Variants in TMEM108 observed in about 807,000 individuals in gnomAD.
The protein encoded by TMEM108 is transmembrane protein 108.
A neutral mutation model predicts 35.1 loss-of-function variants in TMEM108; 12 were observed. That is an observed-to-expected ratio of 0.34 (90% CI 0.22 to 0.55). The LOEUF (loss-of-function observed/expected upper bound fraction) is 0.55, where lower values mean the gene tolerates loss of function less well. Among genes scored for constraint, TMEM108 ranks in the 20% least tolerant of loss-of-function variants. TMEM108 has a pLI of 0.89. For missense variants in TMEM108, 680 were observed against 753.3 expected (o/e 0.90, Z 1.14); for synonymous variants, 287 against 308.6 (o/e 0.93, Z 0.73).
At chr3:133,373,061 C>A (rs2072722704) in intron 3 of TMEM108, among the ~76,000 whole-genome samples, 3 of 152,074 alleles carry the variant, frequency 2.0e-5, no homozygotes, top group African/African-American at 7.2e-5. Flanking sequence ...ACACTGGAAC[C>A]ACAGTGAGTA....
chr3:133,119,722 G>C (rs1332294665), intron 2 of TMEM108, among the ~76,000 whole-genome samples: 1 of 152,088 alleles, frequency 6.6e-6, no homozygotes, highest in Non-Finnish European at 1.5e-5. Context: ...TCTTGGCGAT[G>C]TTTTATTAGC....
At chr3:133,309,386 T>G (rs7626326) in intron 3 of TMEM108, among the ~76,000 whole-genome samples, 48,742 of 151,998 alleles carry the variant, frequency 0.32, 8,551 homozygotes, top group East Asian at 0.48. Flanking sequence ...ATCTTAGTTA[T>G]TTCTCACCTT....
chr3:133,152,199 G>T (rs139554279), intron 2 of TMEM108, among the ~76,000 whole-genome samples: 171 of 152,288 alleles, frequency 1.1e-3, no homozygotes, highest in African/African-American at 4.1e-3. Context: ...CATTCACAGT[G>T]CCTTTGAAGA....
intron 2 of TMEM108, among the ~76,000 whole-genome samples, chr3:133,087,479 T>A (rs1448532892): frequency 1.3e-5 from 2 of 152,204 alleles, no homozygotes; most frequent in African/African-American, 2.4e-5. Context: ...CACAGAGATG[T>A]CTTTTTGTTC....
At chr3:133,289,564 TTGAG>T (rs1947033237) in intron 3 of TMEM108, among the ~76,000 whole-genome samples, 1 of 152,198 alleles carries the variant, frequency 6.6e-6, no homozygotes, top group Non-Finnish European at 1.5e-5. Context: ...GCACTTGTCA[TTGAG>T]GGCAAGCACC....
At chr3:133,386,371 G>T in intron 4 of TMEM108, 1 of 1,535,234 alleles carries the variant, frequency 6.5e-7, no homozygotes, top group Non-Finnish European at 8.7e-7. Flanking sequence ...TTGTTTGAAA[G>T]GTTGAATCCT....
At chr3:133,183,903 C>T (rs1945383370) in intron 2 of TMEM108, among the ~76,000 whole-genome samples, 2 of 152,084 alleles carry the variant, frequency 1.3e-5, no homozygotes, top group Non-Finnish European at 2.9e-5. Context: ...GGGAGATGGC[C>T]GTACCTACTT....
chr3:133,186,419 T>C (rs1192770572), intron 2 of TMEM108, among the ~76,000 whole-genome samples: 1 of 152,250 alleles, frequency 6.6e-6, no homozygotes, highest in African/African-American at 2.4e-5. Context: ...CTTACTGTCC[T>C]ATCTCTGAAA....
At chr3:133,370,812 C>T (rs1206304700) in intron 3 of TMEM108, among the ~76,000 whole-genome samples, 2 of 151,344 alleles carry the variant, frequency 1.3e-5, no homozygotes, top group African/African-American at 4.9e-5. Flanking sequence ...GCTATGTCCT[C>T]AATATGCAGA....
chr3:133,289,429 C>T (rs1399369221), intron 3 of TMEM108, among the ~76,000 whole-genome samples: 3 of 152,168 alleles, frequency 2.0e-5, no homozygotes, highest in Admixed American at 1.3e-4. Flanking sequence ...GATGGAAGCA[C>T]AGCAGTACTC....
intron 4 of TMEM108, among the ~76,000 whole-genome samples, chr3:133,383,238 A>G (rs1339224610): frequency 6.6e-6 from 1 of 152,154 alleles, no homozygotes; most frequent in Non-Finnish European, 1.5e-5. Flanking sequence ...ATTCCATCTT[A>G]GACCAGCCAG....
intron 3 of TMEM108, among the ~76,000 whole-genome samples, chr3:133,318,655 G>T (rs943171478): frequency 4.6e-5 from 7 of 152,114 alleles, no homozygotes; most frequent in Non-Finnish European, 1.0e-4. Flanking sequence ...CAGGACAAAT[G>T]ACCTGTCTTT....
rs556491697 is a variant in TMEM108 at position 133,364,543 on chromosome 3, A to T, written c.41-15209A>T. Among the ~76,000 whole-genome samples the T allele has an allele frequency of 5.3e-5, 8 of 152,372 alleles. No individual in the cohort carries two copies. The South Asian group carries it at 6.2e-4, about 12-fold the overall frequency. ...ATAATGGAAGGATGTGAGAAAATACATAATGACAAGAATAAAAGGCTTATA... is the reference window on the plus strand; with the variant it reads ...ATAATGGAAGGATGTGAGAAAATACTTAATGACAAGAATAAAAGGCTTATA... On this transcript the variant is annotated intron_variant, in intron 3 of 5. Coordinates refer to ENST00000321871, the MANE Select transcript of TMEM108 (RefSeq NM_023943.4).
chr3:133,391,690 TACA>T (rs1487544350), intron 5 of TMEM108, among the ~76,000 whole-genome samples: 2 of 152,162 alleles, frequency 1.3e-5, no homozygotes, highest in Non-Finnish European at 2.9e-5. Flanking sequence ...TCGCCTCTCC[TACA>T]ACATCTTCAG....
chr3:133,061,352 A>C (rs1463559220), intron 2 of TMEM108, among the ~76,000 whole-genome samples: 1 of 151,714 alleles, frequency 6.6e-6, no homozygotes, highest in Non-Finnish European at 1.5e-5. Flanking sequence ...CTGGGACTAC[A>C]GGCGCCCGCC....
intron 2 of TMEM108, among the ~76,000 whole-genome samples, chr3:133,175,743 G>A (rs1358333998): frequency 8.5e-5 from 13 of 152,358 alleles, no homozygotes; most frequent in South Asian, 4.1e-4. Context: ...GACCATCAAT[G>A]CTAGGAAGAA....
At chr3:133,187,110 A>C (rs1649263939) in intron 2 of TMEM108, among the ~76,000 whole-genome samples, 1 of 152,214 alleles carries the variant, frequency 6.6e-6, no homozygotes, top group African/African-American at 2.4e-5. Context: ...CCACATGCTT[A>C]TGTGTGTCCT....
At position 133,082,127 on chromosome 3, in the gene TMEM108, C is replaced by T. The variant is rs558949011; in HGVS notation, c.-47+36107C>T. Among the ~76,000 whole-genome samples the T allele has an allele frequency of 1.9e-3, 294 of 152,328 alleles. 2 individuals carry two copies. The highest frequency in any genetic ancestry group is 6.8e-3 in the African/African-American group (284 of 41,576). ...TCTGCAGTCTGCTTTGTGCTCTCTC[C>T]TTTGCCATGCCAAGTTACTTCAACA... On this transcript the variant is annotated intron_variant, in intron 2 of 5. Coordinates refer to ENST00000321871, the MANE Select transcript of TMEM108 (RefSeq NM_023943.4).
intron 2 of TMEM108, among the ~76,000 whole-genome samples, chr3:133,109,214 C>T (rs1481789717): frequency 6.6e-6 from 1 of 152,108 alleles, no homozygotes; most frequent in African/African-American, 2.4e-5. Context: ...CTGAATTCCC[C>T]TGGGTCACAC....
Sources: allele counts gnomAD v4.1 joint callset (sites outside exome capture counted in the v4.1 genomes callset), GRCh38; gene constraint gnomAD v4.1.1; transcripts MANE v1.5; gene names NCBI Gene and HGNC (gene_info 2026-07-23, HGNC 2026-07-21).